Variants in KCNK5 observed in about 807,000 individuals in gnomAD.
KCNK5 encodes the protein potassium two pore domain channel subfamily K member 5.
A neutral mutation model predicts 32.9 loss-of-function variants in KCNK5; 18 were observed. That is an observed-to-expected ratio of 0.55 (90% CI 0.38 to 0.81). KCNK5 has a LOEUF of 0.81. Ranked by LOEUF, KCNK5 falls within the 30% of genes least tolerant of loss-of-function variation. The pLI is 0.00. For missense variants in KCNK5, 507 were observed against 651.0 expected (o/e 0.78, Z 2.41); for synonymous variants, 276 against 275.3 (o/e 1.00, Z -0.03).
At chr6:39,221,585 AGCCT>A (rs1771549737) in intron 1 of KCNK5, among the ~76,000 whole-genome samples, 1 of 152,124 alleles carries the variant, frequency 6.6e-6, no homozygotes, top group African/African-American at 2.4e-5. Flanking sequence ...TCACCCTCCA[AGCCT>A]GCCTTCTTCT....
At position 39,229,409 on chromosome 6, in the gene KCNK5, T is replaced by G. The variant is rs533457231; in HGVS notation, c.-298A>C. ...TAAGGAGCGGGAAGAACACAGGACT[T>G]GACTCTGGGCAGACACGTGGGCCGC... On this transcript the variant is annotated 5_prime_UTR_variant, in exon 1 of 5. Coordinates refer to ENST00000359534, the MANE Select transcript of KCNK5 (RefSeq NM_003740.4). 1.8e-4 allele frequency: 77 copies of G among 439,040 alleles called. 1 individual carries two copies. Among genetic ancestry groups the G allele is most frequent in the South Asian group, 1.5e-3 (65 of 41,956 alleles). 27.2% of individuals were successfully genotyped at this position (439,040 alleles called of 1,614,324 possible). A position where few individuals can be genotyped will look rare whatever the true frequency, so the allele number is the denominator to read the frequency against.
At chr6:39,225,373 G>A (rs1771655605) in intron 1 of KCNK5, among the ~76,000 whole-genome samples, 1 of 152,156 alleles carries the variant, frequency 6.6e-6, no homozygotes, top group African/African-American at 2.4e-5. Context: ...TTATGAGGTG[G>A]CCTGCAAGAT....
chr6:39,229,079 G>A lies in KCNK5; in HGVS notation c.33C>T (p.Ala11=), dbSNP rs200931730. The change falls in exon 1 of 5, where the codon GCC becomes GCT. Residue 11 remains alanine (A), a synonymous_variant. Coordinates refer to ENST00000359534, the MANE Select transcript of KCNK5 (RefSeq NM_003740.4). Reference sequence around the variant, plus strand: ...CCCCGATGGCCAGGTAGAAGATGATGGCCGAGGTGAGCAGAGGGCCCCGGT... The same window carrying A: ...CCCCGATGGCCAGGTAGAAGATGATAGCCGAGGTGAGCAGAGGGCCCCGGT... MVDRGPLLTS[A]IIFYLAIGAA... 13 of 1,614,160 alleles carry A rather than the reference G, an allele frequency of 8.1e-6. No homozygotes were observed. Among genetic ancestry groups the A allele is most frequent in the Admixed American group, 1.7e-5 (1 of 60,026 alleles).
chr6:39,227,097 ACC>A (rs1360763676), intron 1 of KCNK5, among the ~76,000 whole-genome samples: 1 of 151,216 alleles, frequency 6.6e-6, no homozygotes, highest in Non-Finnish European at 1.5e-5. Flanking sequence ...CGGCTGCCTA[ACC>A]CCTGGACCCC....
At chr6:39,214,696 C>T (rs569313553) in intron 1 of KCNK5, among the ~76,000 whole-genome samples, 1 of 152,206 alleles carries the variant, frequency 6.6e-6, no homozygotes, top group South Asian at 2.1e-4. Flanking sequence ...AGGCAATAGT[C>T]CCCGTGCAAT....
At chr6:39,219,804 CT>C (rs930542517) in intron 1 of KCNK5, among the ~76,000 whole-genome samples, 41 of 152,312 alleles carry the variant, frequency 2.7e-4, no homozygotes, top group Middle Eastern at 3.4e-3. Context: ...ACTGAGCATC[CT>C]GAGAGCTAGG....
intron 1 of KCNK5, among the ~76,000 whole-genome samples, chr6:39,226,537 G>A (rs1771674581): frequency 6.6e-6 from 1 of 152,140 alleles, no homozygotes; most frequent in Non-Finnish European, 1.5e-5. Context: ...ACCCCTGGTT[G>A]TACCCCAGGA....
rs182602131 is a variant in KCNK5 at position 39,202,822 on chromosome 6, G to T, written c.187-6835C>A. Among the ~76,000 whole-genome samples, 11 of 152,156 alleles carry T rather than the reference G, an allele frequency of 7.2e-5. No homozygotes were observed. The East Asian group carries it at 2.1e-3, about 29-fold the overall frequency. ...GGCCATCTTCCAAATGCAGACCTGT[G>T]CTCATGGAAAAGGTGGAACCAACCT... On this transcript the variant is annotated intron_variant, in intron 1 of 4. Coordinates refer to ENST00000359534, the MANE Select transcript of KCNK5 (RefSeq NM_003740.4).
chr6:39,228,362 G>A (rs1024254779), intron 1 of KCNK5, among the ~76,000 whole-genome samples: 3 of 152,204 alleles, frequency 2.0e-5, no homozygotes, highest in African/African-American at 7.2e-5. Context: ...CTCATCCCGT[G>A]GGTTCGGGCC....
intron 1 of KCNK5, among the ~76,000 whole-genome samples, chr6:39,196,568 C>A (rs1771034668): frequency 6.6e-6 from 1 of 152,166 alleles, no homozygotes; most frequent in Non-Finnish European, 1.5e-5. Flanking sequence ...CTGTAGGATA[C>A]CTGCTCAGGT....
At chr6:39,207,843 C>A (rs548885708) in intron 1 of KCNK5, among the ~76,000 whole-genome samples, 1 of 152,082 alleles carries the variant, frequency 6.6e-6, no homozygotes, top group Non-Finnish European at 1.5e-5. Flanking sequence ...GCCCCCTTGC[C>A]GGGGGCTCTA....
At chr6:39,199,733 G>C (rs1371816096) in intron 1 of KCNK5, among the ~76,000 whole-genome samples, 4 of 152,214 alleles carry the variant, frequency 2.6e-5, no homozygotes, top group Admixed American at 1.3e-4. Context: ...CTCCTCTGCT[G>C]TGGTTCCCAA....
At chr6:39,213,814 C>A (rs182154108) in intron 1 of KCNK5, among the ~76,000 whole-genome samples, 2 of 152,120 alleles carry the variant, frequency 1.3e-5, no homozygotes, top group East Asian at 3.9e-4. Flanking sequence ...ATAGTGAAAC[C>A]CCATTTTCCA....
intron 1 of KCNK5, among the ~76,000 whole-genome samples, chr6:39,211,765 A>G (rs1771345813): frequency 6.6e-6 from 1 of 151,908 alleles, no homozygotes; most frequent in Non-Finnish European, 1.5e-5. Context: ...GGAGTTCAAG[A>G]CCAGCCTGAC....
intron 1 of KCNK5, among the ~76,000 whole-genome samples, chr6:39,204,159 T>C (rs1198589367): frequency 6.6e-6 from 1 of 152,242 alleles, no homozygotes; most frequent in Non-Finnish European, 1.5e-5. Context: ...TTTGTTAACT[T>C]GTGGTTGCTT....
intron 1 of KCNK5, among the ~76,000 whole-genome samples, chr6:39,215,620 G>T (rs899335268): frequency 7.9e-5 from 12 of 152,212 alleles, no homozygotes; most frequent in African/African-American, 2.9e-4. Flanking sequence ...AGAATAACCT[G>T]TTCCAAGCCA....
chr6:39,195,933 T>C lies in KCNK5; in HGVS notation c.241A>G (p.Asn81Asp). ...ATTGCATTGGGCCAGTTCCAGTTGT[T>C]GAAGGTCTGGTTCCCTGTGATGGCC... ...GVAITGNQTF[N>D]NWNWPNAMIF... is the part of the protein sequence containing the mutation. Residue 81 changes from asparagine to aspartate, a missense_variant, in exon 2 of 5, where the codon AAC becomes GAC. Transcript: ENST00000359534. 1 of 1,614,006 alleles carries C rather than the reference T, an allele frequency of 6.2e-7. No homozygotes were observed. The highest frequency in any genetic ancestry group is 8.5e-7 in the Non-Finnish European group (1 of 1,179,956).
Position 39,194,624 on chromosome 6 carries a change from C to T in KCNK5, c.435G>A (p.Gly145=). The change falls in exon 3 of 5, where the codon GGG becomes GGA. Residue 145 remains glycine, a synonymous_variant. Transcript: ENST00000359534. The surrounding 1 kb of genome is among the most constrained non-coding windows in gnomAD (Gnocchi z 4.7). ...TCACACCTCTCTTGGTAAGGAACTG[C>T]CCTAGTCTCTTGGCACGTCCCCCGA... ...KFFGGRAKRL[G]QFLTKRGVSL... 6.2e-7 allele frequency: 1 copy of T among 1,614,150 alleles called. No homozygotes were observed. Among genetic ancestry groups the T allele is most frequent in the Non-Finnish European group, 8.5e-7 (1 of 1,180,026 alleles).
In KCNK5 at chr6:39,229,267, G is replaced by A. The variant is rs1243458349; in HGVS notation, c.-156C>T. 1 of 829,838 alleles carries A rather than the reference G, an allele frequency of 1.2e-6. No individual in the cohort carries two copies. Among genetic ancestry groups the A allele is most frequent in the South Asian group, 1.8e-5 (1 of 55,604 alleles). The allele number at this position is 829,838 out of a possible 1,614,324, so 51.4% of individuals were successfully genotyped here. ...CCCCGCAAGCACCGCTCCCCGGACA[G>A]AGTTGCTTGGCCAAGTTGGCCCACG... is the stretch of plus-strand genomic sequence containing the variant. On this transcript the variant is annotated 5_prime_UTR_variant, in exon 1 of 5. Coordinates refer to ENST00000359534, the MANE Select transcript of KCNK5 (RefSeq NM_003740.4).
Sources: gnomAD v4.1 joint callset for allele counts (sites outside exome capture counted in the v4.1 genomes callset) on GRCh38, gnomAD v4.1.1 for gene constraint, Gnocchi (gnomAD v3.1) non-coding constraint, MANE v1.5 for transcripts, NCBI Gene and HGNC (gene_info 2026-07-23, HGNC 2026-07-21) for gene names.